DLGAP2: variants seen among roughly 807,000 people sequenced by gnomAD.
DLGAP2 encodes DLG associated protein 2.
DLGAP2 carries 26 observed loss-of-function variants against 100.3 expected under a neutral mutation model. The observed-to-expected ratio is 0.26, with a 90% CI of 0.19 to 0.36. The LOEUF (loss-of-function observed/expected upper bound fraction) is 0.36. DLGAP2 is among the 10% of genes least tolerant of loss of function. DLGAP2 has a pLI of 1.00. For synonymous variants in DLGAP2, 886 were observed against 630.1 expected (o/e 1.41, Z -6.08); for missense variants, 1,858 against 1,453.2 (o/e 1.28, Z -4.53).
At chr8:1,551,839 C>A (rs974821628) in intron 5 of DLGAP2, among the ~76,000 whole-genome samples, 1 of 152,208 alleles carries the variant, frequency 6.6e-6, no homozygotes, top group African/African-American at 2.4e-5. Context: ...TGCATTATAT[C>A]ATCCTGGTCA....
rs1011484340 is a variant in DLGAP2 at position 1,666,298 on chromosome 8, G to C, written c.1811-2031G>C. Among the ~76,000 whole-genome samples the C allele has an allele frequency of 2.0e-5, 3 of 152,208 alleles. No individual in the cohort carries two copies. The South Asian group carries it at 6.2e-4, about 32-fold the overall frequency. On this transcript the variant is annotated intron_variant, in intron 8 of 14. Coordinates refer to ENST00000637795, the MANE Select transcript of DLGAP2 (RefSeq NM_001346810.2). ...CTGGTAAAAGAGAAGCTCAGCACCC[G>C]ATTGATTTCATAACATCTGATCATC...
chr8:1,085,952 A>G (rs1044296857), intron 2 of DLGAP2, among the ~76,000 whole-genome samples: 1 of 152,114 alleles, frequency 6.6e-6, no homozygotes, highest in Non-Finnish European at 1.5e-5. Flanking sequence ...AAAGTTTTCT[A>G]GTTTTTAGTT....
chr8:1,222,991 C>G (rs1340960754), intron 2 of DLGAP2, among the ~76,000 whole-genome samples: 1 of 152,144 alleles, frequency 6.6e-6, no homozygotes, highest in African/African-American at 2.4e-5. Flanking sequence ...GGCTGAGCTC[C>G]ACTGCAGCCG....
chr8:899,583 G>T (rs1357096019), intron 1 of DLGAP2, among the ~76,000 whole-genome samples: 4 of 152,184 alleles, frequency 2.6e-5, no homozygotes, highest in African/African-American at 9.7e-5. Flanking sequence ...ATAGAAGGGA[G>T]GCCAGAGATA....
intron 2 of DLGAP2, among the ~76,000 whole-genome samples, chr8:1,026,421 G>C (rs946552449): frequency 6.6e-6 from 1 of 152,156 alleles, no homozygotes; most frequent in Non-Finnish European, 1.5e-5. Context: ...CCGCCGCCTT[G>C]GCTGCACCCT....
intron 1 of DLGAP2, among the ~76,000 whole-genome samples, chr8:780,249 C>G (rs1563428174): frequency 6.6e-6 from 1 of 152,170 alleles, no homozygotes; most frequent in Non-Finnish European, 1.5e-5. Flanking sequence ...AGGCATCTGT[C>G]TTTATGTGCC....
At chr8:1,201,765 A>G (rs7007464) in intron 2 of DLGAP2, among the ~76,000 whole-genome samples, 3,590 of 152,280 alleles carry the variant, frequency 0.024, 126 homozygotes, top group African/African-American at 0.081. Context: ...GCCCTCCCTC[A>G]TCACCAGGCA....
At chr8:1,168,627 G>A (rs997790443) in intron 2 of DLGAP2, among the ~76,000 whole-genome samples, 2 of 148,548 alleles carry the variant, frequency 1.3e-5, no homozygotes, top group African/African-American at 5.0e-5. Context: ...TTCTCTGATG[G>A]CCAGTGATGG....
At chr8:948,242 C>T (rs892817141) in intron 2 of DLGAP2, among the ~76,000 whole-genome samples, 1 of 152,210 alleles carries the variant, frequency 6.6e-6, no homozygotes, top group African/African-American at 2.4e-5. Context: ...GAGGCTCCCC[C>T]TACGGCCCTG....
intron 2 of DLGAP2, among the ~76,000 whole-genome samples, chr8:949,994 A>G (rs1018406410): frequency 5.3e-5 from 8 of 152,164 alleles, no homozygotes; most frequent in African/African-American, 1.4e-4. Flanking sequence ...CACACACACA[A>G]AGAGACACTC....
chr8:805,677 G>T (rs530552503), intron 1 of DLGAP2, among the ~76,000 whole-genome samples: 6 of 152,020 alleles, frequency 3.9e-5, no homozygotes, highest in Admixed American at 6.6e-5. Flanking sequence ...GCACGATCTG[G>T]GCTCACTCCG....
Position 1,168,707 on chromosome 8 carries a change from T to C in DLGAP2, c.74-90144T>C, listed in dbSNP as rs529884682. 2.3e-3 allele frequency among the ~76,000 whole-genome samples: 334 copies of C among 143,038 alleles called. 2 individuals are homozygous for C. The highest frequency in any genetic ancestry group is 9.0e-3 in the South Asian group (41 of 4,572). The allele number at this position is 143,038 out of a possible 152,430, so 93.8% of individuals were successfully genotyped here. The stretch of plus-strand genomic sequence containing the variant: ...TTGAGAAGTGTCTGTTCATGTCCTT[T>C]GCCCACTTTTTGATGGGGTTGTTTG... On this transcript the variant is annotated intron_variant, in intron 2 of 14. Transcript: ENST00000637795.
intron 2 of DLGAP2, among the ~76,000 whole-genome samples, chr8:1,066,363 G>A (rs1803250998): frequency 6.6e-6 from 1 of 150,542 alleles, no homozygotes; most frequent in African/African-American, 2.5e-5. Flanking sequence ...TCAGGTCTGA[G>A]TGAGGACAGT....
In DLGAP2 at chr8:1,591,545, C is replaced by T. The variant is rs1351626453; in HGVS notation, c.1442+25651C>T. On this transcript the variant is annotated intron_variant, in intron 6 of 14. Coordinates refer to ENST00000637795, the MANE Select transcript of DLGAP2 (RefSeq NM_001346810.2). ...CCTGCCTAACCCCCTCCTCCCACTCCACCTCCACTGTTCACCCCTGCAGCC... is the reference window on the plus strand; with the variant it reads ...CCTGCCTAACCCCCTCCTCCCACTCTACCTCCACTGTTCACCCCTGCAGCC... Among the ~76,000 whole-genome samples, 5 of 152,088 alleles carry T rather than the reference C, an allele frequency of 3.3e-5. No individual in the cohort carries two copies. The East Asian group carries it at 9.7e-4, about 29-fold the overall frequency.
At chr8:1,592,254 C>T (rs540405657) in intron 6 of DLGAP2, among the ~76,000 whole-genome samples, 1 of 152,342 alleles carries the variant, frequency 6.6e-6, no homozygotes, top group East Asian at 1.9e-4. Flanking sequence ...AATACGCCCC[C>T]ATCGGCTGTT....
intron 4 of DLGAP2, among the ~76,000 whole-genome samples, chr8:1,533,107 T>C (rs1469452825): frequency 2.0e-5 from 3 of 146,628 alleles, no homozygotes; most frequent in Non-Finnish European, 3.0e-5. Flanking sequence ...TGTTAAAAAA[T>C]GTGCAGTTGT....
At chr8:1,633,980 A>T (rs368905781) in intron 8 of DLGAP2, among the ~76,000 whole-genome samples, 5 of 152,246 alleles carry the variant, frequency 3.3e-5, no homozygotes, top group African/African-American at 7.2e-5. Flanking sequence ...GTTTGTTTCA[A>T]TGCTAAAGTG....
chr8:1,102,998 T>C (rs1322104185), intron 2 of DLGAP2, among the ~76,000 whole-genome samples: 14 of 151,796 alleles, frequency 9.2e-5, no homozygotes, highest in Middle Eastern at 3.4e-3. Flanking sequence ...TTCGTGAGTC[T>C]GTGGTTCCCT....
chr8:802,406 C>G lies in DLGAP2; in HGVS notation c.18+64581C>G, dbSNP rs182594349. ...CCAGTCTTCCTGGTTGAAGTCAGTGCTCTGGGCCCCTGGGCAGCATCTCCA... is the reference window on the plus strand; with the variant it reads ...CCAGTCTTCCTGGTTGAAGTCAGTGGTCTGGGCCCCTGGGCAGCATCTCCA... On this transcript the variant is annotated intron_variant, in intron 1 of 14. Transcript: ENST00000637795. Among the ~76,000 whole-genome samples, 762 of 152,296 alleles carry G rather than the reference C, an allele frequency of 5.0e-3. 8 individuals carry two copies. The highest frequency in any genetic ancestry group is 0.02 in the Admixed American group (311 of 15,290).
Sources: allele counts gnomAD v4.1 joint callset (sites outside exome capture counted in the v4.1 genomes callset), GRCh38; gene constraint gnomAD v4.1.1; transcripts MANE v1.5; gene names NCBI Gene and HGNC (gene_info 2026-07-23, HGNC 2026-07-21).